Variants in HEATR3 observed in about 807,000 individuals in gnomAD.
The protein encoded by HEATR3 is HEAT repeat-containing protein 3.
Under a neutral mutation model 72.8 loss-of-function variants are expected in HEATR3, and 56 were observed. That is an observed-to-expected ratio of 0.77 (90% CI 0.62 to 0.96). The LOEUF is 0.96. Ranked by LOEUF, HEATR3 falls within the 40% of genes least tolerant of loss-of-function variation. HEATR3 has a pLI of 0.00. For synonymous variants in HEATR3, 331 were observed against 318.1 expected, an observed-to-expected ratio of 1.04 and a Z score of -0.43; for missense variants, 747 against 831.4, an observed-to-expected ratio of 0.90 and a Z score of 1.25.
chr16:50,095,059 A>C (rs966178622), intron 12 of HEATR3, among the ~76,000 whole-genome samples: 4 of 152,148 alleles, frequency 2.6e-5, no homozygotes, highest in Non-Finnish European at 5.9e-5. Flanking sequence ...TTTAATCAAT[A>C]CAACTTAATT....
chr16:50,106,905 C>T lies in HEATR3; in HGVS notation c.*1844C>T, dbSNP rs180680233. On this transcript the variant is annotated 3_prime_UTR_variant, in exon 15 of 15. Transcript: ENST00000299192. ...AGCCCATGGCACCAAGTAAAATAAC[C>T]CAAATTGTGTATATGGTGGGAAAAC... Among the ~76,000 whole-genome samples the T allele has an allele frequency of 3.9e-5, 6 of 152,094 alleles. No homozygotes were observed. The highest frequency in any genetic ancestry group is 3.9e-4 in the Admixed American group (6 of 15,266).
rs563695975 is a variant in HEATR3, at chr16:50,107,270, G to T, written c.*2209G>T. ...GTAAATAAATGCTGGTGATTTTCTCGTTGTTTTGTGTGTGATTTTCTGTTT... is the reference window on the plus strand; with the variant it reads ...GTAAATAAATGCTGGTGATTTTCTCTTTGTTTTGTGTGTGATTTTCTGTTT... On this transcript the variant is annotated 3_prime_UTR_variant, in exon 15 of 15. Transcript: ENST00000299192. Among the ~76,000 whole-genome samples, 1 of 151,960 alleles carries T rather than the reference G, an allele frequency of 6.6e-6. No homozygotes were observed.
intron 1 of HEATR3, 47 bp downstream of exon 1, chr16:50,066,316 C>A: frequency 1.3e-6 from 2 of 1,564,722 alleles, no homozygotes; most frequent in Non-Finnish European, 8.6e-7. Flanking sequence ...GAGGTTGCCC[C>A]GCGCGCGTGC....
At chr16:50,087,657 C>T (rs935924100) in intron 11 of HEATR3, among the ~76,000 whole-genome samples, 4 of 152,176 alleles carry the variant, frequency 2.6e-5, no homozygotes, top group African/African-American at 7.2e-5. Context: ...GGGAATCTGC[C>T]CCTCTCTCTC....
At chr16:50,082,952 G>A (rs952484963) in intron 7 of HEATR3, among the ~76,000 whole-genome samples, 2 of 152,010 alleles carry the variant, frequency 1.3e-5, no homozygotes, top group African/African-American at 4.8e-5. Context: ...CGCCATGCCT[G>A]GCTAAGACCT....
rs562322529 is a variant in HEATR3 at position 50,102,983 on chromosome 16, G to A, written c.1920+548G>A. Among the ~76,000 whole-genome samples the A allele has an allele frequency of 3.5e-4, 54 of 152,142 alleles. 1 individual carries two copies. In the South Asian group the frequency reaches 0.011, roughly 30 times the overall value. On this transcript the variant is annotated intron_variant, in intron 14 of 14. Coordinates refer to ENST00000299192, the MANE Select transcript of HEATR3 (RefSeq NM_182922.4). ...TCGCCTTGTCATCCAGGCTGGTCTC[G>A]AACTCCCAACCTCAGGTGATCTGCC...
chr16:50,098,838 A>G (rs944184955), intron 12 of HEATR3, among the ~76,000 whole-genome samples: 2 of 152,108 alleles, frequency 1.3e-5, no homozygotes, highest in Non-Finnish European at 2.9e-5. Context: ...GTAACATTAA[A>G]ATTGTAGTGA....
In HEATR3 at chr16:50,106,263, T is replaced by C. The variant is rs1473473808; in HGVS notation, c.*1202T>C. 1.3e-5 allele frequency: 2 copies of C among 152,154 alleles called. No individual in the cohort carries two copies. Among genetic ancestry groups the C allele is most frequent in the Non-Finnish European group, 2.9e-5 (2 of 68,040 alleles). 9.4% of individuals were successfully genotyped at this position (152,154 alleles called of 1,614,324 possible). On this transcript the variant is annotated 3_prime_UTR_variant, in exon 15 of 15. Transcript: ENST00000299192. ...AGATTATACTAATGAGCTAATGGGG[T>C]CATTGCCATCCTCCCTACTCATGAC...
intron 6 of HEATR3, among the ~76,000 whole-genome samples, chr16:50,078,532 C>T (rs565102896): frequency 6.6e-6 from 1 of 152,176 alleles, no homozygotes; most frequent in African/African-American, 2.4e-5. Flanking sequence ...GCATTGTGTG[C>T]CAAGGAAGGG....
chr16:50,070,244 A>ATTGAGAACATAGCCAATGAGACTG lies in HEATR3; in HGVS notation c.468_491dup (p.Glu157_Val164dup), dbSNP rs775052978. Reference sequence around the variant, plus strand: ...GAAAAAAGATCAGAACAGAAATTCTATTGAGAACATAGCCAATGAGACTGT... The same window carrying ATTGAGAACATAGCCAATGAGACTG: ...GAAAAAAGATCAGAACAGAAATTCTATTGAGAACATAGCCAATGAGACTGTTGAGAACATAGCCAATGAGACTGT... On this transcript the variant is annotated inframe_insertion, in exon 4 of 15. Coordinates refer to ENST00000299192, the MANE Select transcript of HEATR3 (RefSeq NM_182922.4). The ATTGAGAACATAGCCAATGAGACTG allele has an allele frequency of 3.7e-6, 6 of 1,609,890 alleles. No individual in the cohort carries two copies. In the African/African-American group the frequency reaches 8.0e-5, roughly 21 times the overall value.
chr16:50,089,809 C>A (rs769557060), intron 11 of HEATR3, among the ~76,000 whole-genome samples: 12 of 152,014 alleles, frequency 7.9e-5, no homozygotes, highest in Non-Finnish European at 1.8e-4. Flanking sequence ...GCTGGGATTA[C>A]AGGTGCCTGC....
chr16:50,088,235 A>G (rs991160246), intron 11 of HEATR3, among the ~76,000 whole-genome samples: 2 of 152,236 alleles, frequency 1.3e-5, no homozygotes, highest in Admixed American at 6.5e-5. Context: ...CATTCCGTCA[A>G]GTTCCTAAGA....
intron 11 of HEATR3, among the ~76,000 whole-genome samples, chr16:50,090,415 G>A (rs946599097): frequency 1.3e-5 from 2 of 152,102 alleles, no homozygotes; most frequent in African/African-American, 4.8e-5. Context: ...GCTGTTTTGT[G>A]TTATGGTTGA....
chr16:50,071,447 A>C (rs2150596766), intron 4 of HEATR3, among the ~76,000 whole-genome samples: 3 of 152,360 alleles, frequency 2.0e-5, no homozygotes, highest in Admixed American at 2.0e-4. Flanking sequence ...TGTGCACCAG[A>C]TAACTTTAAG....
rs144667031 is a variant in HEATR3, at chr16:50,098,614, C to T, written c.1600-1616C>T. On this transcript the variant is annotated intron_variant, in intron 12 of 14. Transcript: ENST00000299192. Reference sequence around the variant, plus strand: ...GAGCTTGCAGTGAGCCAAGATCGGGCCACTGTAATCCAGCCTGGGCGACAG... The same window carrying T: ...GAGCTTGCAGTGAGCCAAGATCGGGTCACTGTAATCCAGCCTGGGCGACAG... Among the ~76,000 whole-genome samples, 336 of 151,774 alleles carry T rather than the reference C, an allele frequency of 2.2e-3. 5 individuals are homozygous for T. The highest frequency in any genetic ancestry group is 7.4e-3 in the African/African-American group (307 of 41,350).
rs2036999835 is a variant in HEATR3, at chr16:50,086,887, C to T, written c.1510+536C>T. On this transcript the variant is annotated intron_variant, in intron 11 of 14. Transcript: ENST00000299192. ...GGGATTGCAGTGATCTGAGGTTGTG[C>T]CATTGCACTCCAGCCTGGGCAACAA... Among the ~76,000 whole-genome samples, 7 of 152,266 alleles carry T rather than the reference C, an allele frequency of 4.6e-5. No homozygotes were observed. In the South Asian group the frequency reaches 1.2e-3, roughly 27 times the overall value.
chr16:50,100,180 GAATT>G lies in HEATR3; in HGVS notation c.1600-45_1600-42del, dbSNP rs750999202. The G allele has an allele frequency of 4.4e-5, 69 of 1,565,944 alleles. No individual in the cohort carries two copies. The African/African-American group carries it at 8.7e-4, about 20-fold the overall frequency. On this transcript the variant is annotated intron_variant, in intron 12 of 14. Coordinates refer to ENST00000299192, the MANE Select transcript of HEATR3 (RefSeq NM_182922.4). The stretch of plus-strand genomic sequence containing the variant: ...TCAGTCCGGTTTTCACATGCTGATA[GAATT>G]AATTGAGTTTAACATTATAAATACT...
chr16:50,090,699 G>C (rs1168520055), intron 11 of HEATR3, among the ~76,000 whole-genome samples: 1 of 152,130 alleles, frequency 6.6e-6, no homozygotes, highest in Non-Finnish European at 1.5e-5. Flanking sequence ...GGGTCAGTCT[G>C]TCATTCGGCT....
At chr16:50,090,234 G>A (rs1025883537) in intron 11 of HEATR3, among the ~76,000 whole-genome samples, 1 of 151,954 alleles carries the variant, frequency 6.6e-6, no homozygotes, top group Admixed American at 6.6e-5. Context: ...TCTTGCTTGC[G>A]CCTGTGGTCC....
Sources: gnomAD v4.1 joint callset for allele counts (sites outside exome capture counted in the v4.1 genomes callset) on GRCh38, gnomAD v4.1.1 for gene constraint, MANE v1.5 for transcripts, NCBI Gene and HGNC (gene_info 2026-07-23, HGNC 2026-07-21) for gene names.